Variants in PLCE1 observed in about 807,000 individuals in gnomAD.
The protein encoded by PLCE1 is 1-phosphatidylinositol 4,5-bisphosphate phosphodiesterase epsilon-1.
A neutral mutation model predicts 242.8 loss-of-function variants in PLCE1; 119 were observed. The observed-to-expected ratio is 0.49, with a 90% CI of 0.42 to 0.57. PLCE1 has a LOEUF of 0.57. Among genes scored for constraint, PLCE1 ranks in the 20% least tolerant of loss-of-function variants. The pLI, the probability that PLCE1 is intolerant of heterozygous loss-of-function variation, is 0.00. For missense variants in PLCE1, 2,441 were observed against 2,788.8 expected (o/e 0.88, Z 2.81); for synonymous variants, 945 against 1,017.4 (o/e 0.93, Z 1.35).
At position 94,242,523 on chromosome 10, in the gene PLCE1, C is replaced by T. The variant is rs145109674; in HGVS notation, c.2421-3423C>T. Among the ~76,000 whole-genome samples the T allele has an allele frequency of 2.7e-3, 408 of 152,204 alleles. 1 individual carries two copies. Among genetic ancestry groups the T allele is most frequent in the African/African-American group, 9.4e-3 (391 of 41,514 alleles). ...ACGGGGTTTTACCATGTTCGCCAGG[C>T]TGGTCTTGAACTCCTGGCCTCAAGA... On this transcript the variant is annotated intron_variant, in intron 7 of 32. Coordinates refer to ENST00000371380, the MANE Select transcript of PLCE1 (RefSeq NM_016341.4).
intron 2 of PLCE1, among the ~76,000 whole-genome samples, chr10:94,054,899 C>G (rs2043860515): frequency 6.6e-6 from 1 of 151,160 alleles, no homozygotes; most frequent in Non-Finnish European, 1.5e-5. Flanking sequence ...GTAATCCCAG[C>G]TATTCAGGAA....
In PLCE1 at chr10:94,304,434, C is replaced by T. The variant is rs937737251; in HGVS notation, c.5459-48C>T. The T allele has an allele frequency of 1.2e-5, 18 of 1,549,724 alleles. No individual in the cohort carries two copies. In the Admixed American group the frequency reaches 1.3e-4, roughly 11 times the overall value. Reference sequence around the variant, plus strand: ...TTCAATTTATAAGGTGATACTTAAGCGACAAAGTAACAAGCTATATTGGCT... The same window carrying T: ...TTCAATTTATAAGGTGATACTTAAGTGACAAAGTAACAAGCTATATTGGCT... On this transcript the variant is annotated intron_variant, in intron 24 of 32. Transcript: ENST00000371380.
At chr10:94,208,103 C>T (rs1248677435) in intron 4 of PLCE1, among the ~76,000 whole-genome samples, 1 of 152,148 alleles carries the variant, frequency 6.6e-6, no homozygotes, top group African/African-American at 2.4e-5. Context: ...GATATTGGTG[C>T]ATTCCTAGAA....
Position 94,324,997 on chromosome 10 carries a change from T to C in PLCE1, c.6826T>C (p.Leu2276=), listed in dbSNP as rs756616558. Residue 2276 remains leucine (L), a synonymous_variant, in exon 32 of 33, where the codon TTG becomes CTG. Transcript: ENST00000371380. ...AGGACTTACATCACCTTCTCAGCTC[T>C]TGACCTCAGAAAGTATCCAAACCAA... is the stretch of plus-strand genomic sequence containing the variant. ...PRGLTSPSQL[L]TSESIQTKEE... is the part of the protein sequence containing the mutation. 32 of 1,614,056 alleles carry C rather than the reference T, an allele frequency of 2.0e-5. No homozygotes were observed. The highest frequency in any genetic ancestry group is 1.8e-4 in the East Asian group (8 of 44,888).
chr10:94,231,120 A>G (rs2050129529), intron 5 of PLCE1, among the ~76,000 whole-genome samples: 1 of 152,252 alleles, frequency 6.6e-6, no homozygotes, highest in Non-Finnish European at 1.5e-5. Flanking sequence ...TAGATTTTCT[A>G]CAATGAGTAG....
At chr10:94,049,798 C>G (rs1354737855) in intron 2 of PLCE1, among the ~76,000 whole-genome samples, 1 of 152,166 alleles carries the variant, frequency 6.6e-6, no homozygotes, top group African/African-American at 2.4e-5. Context: ...TCCCACAAAA[C>G]AAACTAATAT....
intron 2 of PLCE1, among the ~76,000 whole-genome samples, chr10:94,131,529 A>T (rs2046597871): frequency 6.6e-6 from 1 of 152,242 alleles, no homozygotes; most frequent in African/African-American, 2.4e-5. Flanking sequence ...GGGTGATAAA[A>T]GGAGAAGAAA....
At chr10:94,002,876 A>G (rs1161906142) in intron 1 of PLCE1, among the ~76,000 whole-genome samples, 1 of 152,240 alleles carries the variant, frequency 6.6e-6, no homozygotes, top group African/African-American at 2.4e-5. Context: ...TTAACATTCT[A>G]TCATGAAGAT....
rs545950345 is a variant in PLCE1, at chr10:94,332,224, C to G, written c.*4281C>G. On this transcript the variant is annotated 3_prime_UTR_variant, in exon 33 of 33. Transcript: ENST00000371380. ...AACATACTATGCACAAGCCTGTCAC[C>G]AAACAGATCTCTGAAACCTTCCCTA... is the stretch of plus-strand genomic sequence containing the variant. 1 of 152,276 alleles carries G rather than the reference C, an allele frequency of 6.6e-6. No individual in the cohort carries two copies. Among genetic ancestry groups the G allele is most frequent in the Admixed American group, 6.5e-5 (1 of 15,292 alleles). 9.4% of individuals were successfully genotyped at this position (152,276 alleles called of 1,614,324 possible).
intron 5 of PLCE1, 64 bp from the exon 6 acceptor site, chr10:94,233,990 G>T: frequency 1.4e-6 from 2 of 1,386,338 alleles, no homozygotes; most frequent in Non-Finnish European, 1.0e-6. Context: ...ATGGAATTTA[G>T]GCTCCTTGCT....
At chr10:94,140,505 T>C (rs890206628) in intron 3 of PLCE1, among the ~76,000 whole-genome samples, 2 of 152,204 alleles carry the variant, frequency 1.3e-5, no homozygotes, top group African/African-American at 4.8e-5. Context: ...AACACACCAC[T>C]GTACTCCCTC....
intron 3 of PLCE1, among the ~76,000 whole-genome samples, chr10:94,165,713 T>C (rs1028196958): frequency 6.6e-6 from 1 of 151,070 alleles, no homozygotes; most frequent in Admixed American, 6.6e-5. Context: ...ATCGTTTTGA[T>C]CTTTTTTTTT....
intron 29 of PLCE1, among the ~76,000 whole-genome samples, chr10:94,319,864 C>CTTTTTTTTTTTTTTTTTTTTTTTT (rs58610099): frequency 2.2e-5 from 2 of 92,936 alleles, no homozygotes; most frequent in African/African-American, 7.5e-5. Context: ...CAAAGGTGCT[C>CTTTTTTTTTTTTTTTTTTTTTTTT]TTTTTTTTTT....
At chr10:94,263,986 A>G (rs2051410618) in intron 14 of PLCE1, among the ~76,000 whole-genome samples, 1 of 152,190 alleles carries the variant, frequency 6.6e-6, no homozygotes, top group Non-Finnish European at 1.5e-5. Context: ...AACATGCACT[A>G]GTTCCTACTA....
chr10:94,154,964 A>G (rs201066110), intron 3 of PLCE1, among the ~76,000 whole-genome samples: 3 of 19,088 alleles, frequency 1.6e-4, no homozygotes, highest in African/African-American at 2.2e-4. Flanking sequence ...TAATTGGGGG[A>G]AAAAAAAGTA....
At chr10:94,158,665 G>T (rs2047506482) in intron 3 of PLCE1, among the ~76,000 whole-genome samples, 1 of 151,854 alleles carries the variant, frequency 6.6e-6, no homozygotes, top group Non-Finnish European at 1.5e-5. Context: ...AATATTCAAA[G>T]AATAGCTTCA....
At chr10:94,252,241 C>A in intron 8 of PLCE1, 75 bp from the exon 9 acceptor site, 1 of 1,372,240 alleles carries the variant, frequency 7.3e-7, no homozygotes, top group Non-Finnish European at 1.0e-6. Flanking sequence ...TTGGAATTTT[C>A]TGGGAGACAT....
intron 2 of PLCE1, among the ~76,000 whole-genome samples, chr10:94,052,210 A>G (rs2043784724): frequency 6.6e-6 from 1 of 152,230 alleles, no homozygotes; most frequent in Non-Finnish European, 1.5e-5. Flanking sequence ...AGTTCAATTC[A>G]GTTGCATTTG....
intron 2 of PLCE1, among the ~76,000 whole-genome samples, chr10:94,033,815 T>G (rs2061610952): frequency 6.6e-6 from 1 of 152,166 alleles, no homozygotes; most frequent in African/African-American, 2.4e-5. Flanking sequence ...CAATTTTTCA[T>G]AAGTCCTTTA....
Sources: allele counts gnomAD v4.1 joint callset (sites outside exome capture counted in the v4.1 genomes callset), GRCh38; gene constraint gnomAD v4.1.1; transcripts MANE v1.5; gene names NCBI Gene and HGNC (gene_info 2026-07-23, HGNC 2026-07-21).